The following TEX48 variants were observed in gnomAD, a reference collection of about 807,000 sequenced individuals.
TEX48 encodes testis-expressed protein 48.
Under a neutral mutation model 13.2 loss-of-function variants are expected in TEX48, and 10 were observed. The ratio of observed to expected loss-of-function variants is 0.75; its 90% CI spans 0.47 to 1.28. TEX48 has a LOEUF of 1.28. TEX48 is among the 50% of genes most tolerant of loss of function. TEX48 has a pLI of 0.00. For missense variants in TEX48, 116 were observed against 139.4 expected (o/e 0.83, Z 0.84); for synonymous variants, 45 against 52.3 (o/e 0.86, Z 0.60).
intron 1 of TEX48, among the ~76,000 whole-genome samples, chr9:114,681,338 T>C (rs1355797111): frequency 6.6e-6 from 1 of 152,150 alleles, no homozygotes; most frequent in Admixed American, 6.5e-5. Context: ...CAGAGAGCTT[T>C]GAGTTTTTGA....
chr9:114,671,810 A>G lies in TEX48; in HGVS notation c.-87T>C. 1 of 1,444,020 alleles carries G rather than the reference A, an allele frequency of 6.9e-7. No homozygotes were observed. Among genetic ancestry groups the G allele is most frequent in the Non-Finnish European group, 9.4e-7 (1 of 1,063,606 alleles). The allele number at this position is 1,444,020 out of a possible 1,614,324, so 89.5% of individuals were successfully genotyped here. On this transcript the variant is annotated 5_prime_UTR_variant, in exon 2 of 5. The change abolishes the stop of an existing upstream ORF in the 5' untranslated region. Transcript: ENST00000436752. ...CCAGTCTTGAGTTTGAGCCCAGTTC[A>G]CTGGGCTGGGCTGTTTCCTAAGTAA...
intron 1 of TEX48, among the ~76,000 whole-genome samples, chr9:114,679,391 T>G (rs149976589): frequency 6.6e-6 from 1 of 151,816 alleles, no homozygotes; most frequent in African/African-American, 2.4e-5. Flanking sequence ...ACTTACTGTA[T>G]GCAGAAAGGC....
intron 1 of TEX48, among the ~76,000 whole-genome samples, chr9:114,675,804 T>C (rs943292049): frequency 3.9e-5 from 6 of 152,256 alleles, no homozygotes; most frequent in African/African-American, 1.4e-4. Context: ...CTCACCGCCC[T>C]ACAGCCATAA....
intron 1 of TEX48, among the ~76,000 whole-genome samples, chr9:114,680,063 G>C: frequency 6.6e-6 from 1 of 151,568 alleles, no homozygotes; most frequent in Admixed American, 6.6e-5. Context: ...AAATCATGGG[G>C]CATGACTCCA....
chr9:114,671,535 G>A (rs1392829245), intron 2 of TEX48, 30 bp from the exon 3 acceptor site: 23 of 1,534,636 alleles, frequency 1.5e-5, no homozygotes, highest in Middle Eastern at 1.7e-4. Context: ...GAGGGGCATG[G>A]GTTCCGGAAT....
intron 2 of TEX48, 29 bp from the exon 3 acceptor site, chr9:114,671,534 G>T (rs1264344449): frequency 7.0e-7 from 1 of 1,420,452 alleles, no homozygotes; most frequent in Admixed American, 2.0e-5. Context: ...TGAGGGGCAT[G>T]GGTTCCGGAA....
chr9:114,669,669 A>G (rs1827910439), intron 3 of TEX48, among the ~76,000 whole-genome samples: 2 of 152,036 alleles, frequency 1.3e-5, no homozygotes, highest in Non-Finnish European at 2.9e-5. Context: ...TCAAACTCCC[A>G]ACCTCAGGTG....
intron 1 of TEX48, among the ~76,000 whole-genome samples, chr9:114,674,665 C>T (rs892909129): frequency 5.4e-4 from 24 of 44,306 alleles, no homozygotes; most frequent in African/African-American, 3.6e-3. Flanking sequence ...TTCCTTCCTT[C>T]CTTCTTTCCT....
chr9:114,667,545 C>T (rs1827863966), intron 4 of TEX48, among the ~76,000 whole-genome samples: 1 of 152,184 alleles, frequency 6.6e-6, no homozygotes. Flanking sequence ...CCCCTGCCCT[C>T]CTGGCACTTA....
chr9:114,668,375 C>T (rs1827881587), intron 3 of TEX48, 38 bp from the exon 4 acceptor site: 1 of 1,525,266 alleles, frequency 6.6e-7, no homozygotes, highest in Non-Finnish European at 8.8e-7. Context: ...GTGGGGGAGG[C>T]TTAGGTGAGA....
chr9:114,674,675 T>C (rs1398151594), intron 1 of TEX48, among the ~76,000 whole-genome samples: 3 of 137,710 alleles, frequency 2.2e-5, no homozygotes, highest in Non-Finnish European at 4.6e-5. Flanking sequence ...CCTTCTTTCC[T>C]TCTCTCTTGC....
At chr9:114,676,325 G>C (rs549809928) in intron 1 of TEX48, among the ~76,000 whole-genome samples, 1 of 151,828 alleles carries the variant, frequency 6.6e-6, no homozygotes, top group Non-Finnish European at 1.5e-5. Context: ...TACCATGCCC[G>C]GTTATAGTTT....
chr9:114,670,705 A>G (rs139180885), intron 3 of TEX48, among the ~76,000 whole-genome samples: 20 of 152,112 alleles, frequency 1.3e-4, no homozygotes, highest in African/African-American at 3.6e-4. Context: ...TTTGTACTAG[A>G]CTTTGTGCAA....
chr9:114,670,468 T>C lies in TEX48; in HGVS notation c.127+915A>G, dbSNP rs555547369. Among the ~76,000 whole-genome samples the C allele has an allele frequency of 2.2e-3, 330 of 151,162 alleles. 1 individual carries two copies. The highest frequency in any genetic ancestry group is 3.7e-3 in the Non-Finnish European group (253 of 67,860). On this transcript the variant is annotated intron_variant, in intron 3 of 4. Transcript: ENST00000436752. Reference sequence around the variant, plus strand: ...CTCCCACCTGTGTGAGTCCTAACTTTGGCTGATTTTGACAATAGTGCTTCT... The same window carrying C: ...CTCCCACCTGTGTGAGTCCTAACTTCGGCTGATTTTGACAATAGTGCTTCT...
At chr9:114,674,651 TTCCTTCCTTCCTTCC>T (rs774562543) in intron 1 of TEX48, among the ~76,000 whole-genome samples, 5,935 of 127,324 alleles carry the variant, frequency 0.047, 411 homozygotes, top group African/African-American at 0.061. Flanking sequence ...CCTTCCTTCC[TTCCTTCCTTCCTTCC>T]TTCTTTCCTT....
chr9:114,667,203 ACT>A (rs1439351111), intron 4 of TEX48, among the ~76,000 whole-genome samples: 1 of 152,022 alleles, frequency 6.6e-6, no homozygotes, highest in South Asian at 2.1e-4. Context: ...TAGAAAATGG[ACT>A]CTGTGAAATG....
At chr9:114,670,737 T>G (rs2133758522) in intron 3 of TEX48, among the ~76,000 whole-genome samples, 1 of 152,320 alleles carries the variant, frequency 6.6e-6, no homozygotes. Flanking sequence ...ATTTTTATTT[T>G]GTAAACCATT....
At chr9:114,678,968 G>A (rs1280717164) in intron 1 of TEX48, among the ~76,000 whole-genome samples, 1 of 151,968 alleles carries the variant, frequency 6.6e-6, no homozygotes, top group African/African-American at 2.4e-5. Flanking sequence ...GGACTTGAGA[G>A]GGTAAGAAAA....
intron 1 of TEX48, among the ~76,000 whole-genome samples, chr9:114,679,903 C>G (rs777698541): frequency 1.3e-5 from 2 of 152,100 alleles, no homozygotes; most frequent in African/African-American, 2.4e-5. Flanking sequence ...ATCACAGAAA[C>G]CTTCGGGTTT....
Sources: allele counts gnomAD v4.1 joint callset (sites outside exome capture counted in the v4.1 genomes callset), GRCh38; gene constraint gnomAD v4.1.1; transcripts MANE v1.5; gene names NCBI Gene and HGNC (gene_info 2026-07-23, HGNC 2026-07-21).